STK39: variants seen among roughly 807,000 people sequenced by gnomAD.
STK39 encodes the protein STE20/SPS1-related proline-alanine-rich protein kinase.
STK39 carries 20 observed loss-of-function variants against 77.8 expected under a neutral mutation model. The observed-to-expected ratio is 0.26, with a 90% CI of 0.18 to 0.37. The LOEUF (loss-of-function observed/expected upper bound fraction) is 0.37, where lower values mean the gene tolerates loss of function less well. STK39 is among the 10% of genes least tolerant of loss of function. The probability of loss-of-function intolerance (pLI) is 1.00; values close to 1 mark genes in which losing one functional copy is unlikely to be tolerated. For synonymous variants in STK39, 246 were observed against 234.1 expected, an observed-to-expected ratio of 1.05 and a Z score of -0.47; for missense variants, 479 against 656.5, an observed-to-expected ratio of 0.73 and a Z score of 2.95.
rs145031667 is a variant in STK39 at position 168,195,494 on chromosome 2, G to A, written c.209-13404C>T. ...GCACATAATTTAATAAAGTCTGGTCGGTGGCCATGCTTTTCAGTTTCAACT... is the reference window on the plus strand; with the variant it reads ...GCACATAATTTAATAAAGTCTGGTCAGTGGCCATGCTTTTCAGTTTCAACT... On this transcript the variant is annotated intron_variant, in intron 1 of 17. Transcript: ENST00000355999. 4.2e-3 allele frequency among the ~76,000 whole-genome samples: 638 copies of A among 152,272 alleles called. 4 individuals are homozygous for A. The highest frequency in any genetic ancestry group is 0.015 in the African/African-American group (617 of 41,534).
intron 10 of STK39, among the ~76,000 whole-genome samples, chr2:168,118,945 A>G (rs1366615538): frequency 1.3e-5 from 2 of 152,196 alleles, no homozygotes; most frequent in African/African-American, 2.4e-5. Flanking sequence ...GAAAACACCA[A>G]TGAGCTCACA....
At chr2:168,222,360 C>T (rs1690194441) in intron 1 of STK39, among the ~76,000 whole-genome samples, 1 of 152,172 alleles carries the variant, frequency 6.6e-6, no homozygotes, top group Non-Finnish European at 1.5e-5. Context: ...CTTTATGCAA[C>T]TTATTTTATC....
At chr2:167,995,710 C>T (rs558163957) in intron 16 of STK39, among the ~76,000 whole-genome samples, 28 of 152,280 alleles carry the variant, frequency 1.8e-4, no homozygotes, top group Middle Eastern at 3.4e-3. Flanking sequence ...GTATGTTCTA[C>T]ATCAGAGAGC....
intron 6 of STK39, 108 bp from the exon 7 acceptor site, chr2:168,140,498 T>C: frequency 1.0e-5 from 12 of 1,204,978 alleles, no homozygotes; most frequent in Non-Finnish European, 1.1e-5. Context: ...AACTTTCACG[T>C]TAGTTTGCTA....
chr2:168,135,959 T>C (rs1420804139), intron 8 of STK39, among the ~76,000 whole-genome samples: 1 of 149,524 alleles, frequency 6.7e-6, no homozygotes, highest in Non-Finnish European at 1.5e-5. Flanking sequence ...AGATTTTGAA[T>C]ATATGTTATA....
At chr2:168,105,819 CTAT>C (rs1686955546) in intron 10 of STK39, among the ~76,000 whole-genome samples, 1 of 152,122 alleles carries the variant, frequency 6.6e-6, no homozygotes, top group Non-Finnish European at 1.5e-5. Context: ...TACTGAAGGG[CTAT>C]ATTTATTCCA....
At chr2:168,069,513 A>C (rs147968161) in intron 12 of STK39, among the ~76,000 whole-genome samples, 149 of 152,346 alleles carry the variant, frequency 9.8e-4, no homozygotes, top group African/African-American at 3.5e-3. Flanking sequence ...CCCTTGATTA[A>C]ATAAACACAA....
chr2:167,969,339 C>T lies in STK39; in HGVS notation c.1499-4613G>A, dbSNP rs192161862. 1.5e-3 allele frequency among the ~76,000 whole-genome samples: 224 copies of T among 152,252 alleles called. 2 individuals carry two copies. Among genetic ancestry groups the T allele is most frequent in the African/African-American group, 5.2e-3 (214 of 41,540 alleles). Reference sequence around the variant, plus strand: ...ATTGAGAATTGGAGTGTGTTACCTCCTTGAGCAATGCTGTTTAACTGTTCC... The same window carrying T: ...ATTGAGAATTGGAGTGTGTTACCTCTTTGAGCAATGCTGTTTAACTGTTCC... On this transcript the variant is annotated intron_variant, in intron 16 of 17. Transcript: ENST00000355999.
chr2:168,118,115 A>C (rs1384820370), intron 10 of STK39, among the ~76,000 whole-genome samples: 1 of 152,084 alleles, frequency 6.6e-6, no homozygotes, highest in Non-Finnish European at 1.5e-5. Flanking sequence ...CTAGTAGGTT[A>C]CCAGGATGCT....
intron 14 of STK39, among the ~76,000 whole-genome samples, chr2:168,043,174 A>G (rs1416054584): frequency 6.6e-6 from 1 of 152,178 alleles, no homozygotes; most frequent in African/African-American, 2.4e-5. Flanking sequence ...TTTACTCAGC[A>G]ATCAGAGTAT....
intron 16 of STK39, among the ~76,000 whole-genome samples, chr2:167,969,267 C>T (rs1405199442): frequency 6.6e-6 from 1 of 152,178 alleles, no homozygotes; most frequent in East Asian, 1.9e-4. Flanking sequence ...GTCTTACCTC[C>T]TCCGAGCCCT....
chr2:168,192,298 G>C (rs1370238222), intron 1 of STK39, among the ~76,000 whole-genome samples: 1 of 152,106 alleles, frequency 6.6e-6, no homozygotes, highest in East Asian at 1.9e-4. Context: ...TTCTAGGAAG[G>C]TCTATCTGGA....
At chr2:168,003,498 G>A (rs1379700901) in intron 16 of STK39, among the ~76,000 whole-genome samples, 3 of 150,216 alleles carry the variant, frequency 2.0e-5, no homozygotes, top group Non-Finnish European at 4.4e-5. Flanking sequence ...AGAAAGAAAA[G>A]ATAATTGGGA....
intron 16 of STK39, among the ~76,000 whole-genome samples, chr2:167,974,703 C>T (rs185462144): frequency 1.3e-5 from 2 of 152,280 alleles, no homozygotes; most frequent in East Asian, 1.9e-4. Context: ...GTGCTTAATG[C>T]TCATGCAGTT....
chr2:168,228,273 T>C (rs1000295075), intron 1 of STK39, among the ~76,000 whole-genome samples: 2 of 152,184 alleles, frequency 1.3e-5, no homozygotes, highest in South Asian at 4.1e-4. Flanking sequence ...CGTAACAAAT[T>C]AAATGTGAAA....
At chr2:168,139,073 G>A (rs920200238) in intron 7 of STK39, among the ~76,000 whole-genome samples, 8 of 152,194 alleles carry the variant, frequency 5.3e-5, no homozygotes, top group Non-Finnish European at 1.2e-4. Flanking sequence ...GATGAAGCGT[G>A]AAAGTGACGG....
chr2:168,017,286 T>C (rs1054001774), intron 14 of STK39, among the ~76,000 whole-genome samples, 191 bp from the exon 15 acceptor site: 2 of 152,136 alleles, frequency 1.3e-5, no homozygotes, highest in Non-Finnish European at 2.9e-5. Flanking sequence ...TTTAATTTGA[T>C]TGAATTTACC....
intron 14 of STK39, among the ~76,000 whole-genome samples, chr2:168,036,802 T>G (rs1684968207): frequency 6.6e-6 from 1 of 152,098 alleles, no homozygotes; most frequent in Non-Finnish European, 1.5e-5. Flanking sequence ...TCCAAGTCTT[T>G]CCAGAGAGAG....
intron 10 of STK39, among the ~76,000 whole-genome samples, chr2:168,097,986 A>G (rs754930370): frequency 2.0e-5 from 3 of 152,232 alleles, no homozygotes; most frequent in Non-Finnish European, 4.4e-5. Context: ...AATAGAAGCT[A>G]AATGATTTTC....
Sources: allele counts gnomAD v4.1 joint callset (sites outside exome capture counted in the v4.1 genomes callset), GRCh38; gene constraint gnomAD v4.1.1; transcripts MANE v1.5; gene names NCBI Gene and HGNC (gene_info 2026-07-23, HGNC 2026-07-21).